The following TRAPPC10 variants were observed in gnomAD, a reference collection of about 807,000 sequenced individuals.
TRAPPC10 encodes the protein trafficking protein particle complex subunit 10, also known as TRAPP 130 kDa subunit.
TRAPPC10 carries 23 observed loss-of-function variants against 125.5 expected under a neutral mutation model. The observed-to-expected ratio is 0.18, with a 90% CI of 0.13 to 0.26. The LOEUF (loss-of-function observed/expected upper bound fraction) is 0.26. Ranked by LOEUF, TRAPPC10 falls within the 10% of genes least tolerant of loss-of-function variation. TRAPPC10 has a pLI of 1.00. For missense variants in TRAPPC10, 1,123 were observed against 1,308.4 expected, an observed-to-expected ratio of 0.86 and a Z score of 2.19; for synonymous variants, 509 against 518.0, an observed-to-expected ratio of 0.98 and a Z score of 0.24.
intron 3 of TRAPPC10, among the ~76,000 whole-genome samples, chr21:44,050,453 G>C (rs1311763900): frequency 6.6e-6 from 1 of 152,208 alleles, no homozygotes; most frequent in Non-Finnish European, 1.5e-5. Context: ...GTAAGAGGTG[G>C]AGAGGCTTCC....
Position 44,095,603 on chromosome 21 carries a change from G to T in TRAPPC10, c.3168+1370G>T, listed in dbSNP as rs542293881. Among the ~76,000 whole-genome samples the T allele has an allele frequency of 5.9e-4, 90 of 151,714 alleles. 1 individual carries two copies. Among genetic ancestry groups the T allele is most frequent in the African/African-American group, 2.1e-3 (85 of 41,336 alleles). On this transcript the variant is annotated intron_variant, in intron 20 of 22. Transcript: ENST00000291574. ...TTTTGAGACAGAGACTCGCTGTGTC[G>T]CCCAGGCTGGAGTGCAGTGGCGCGA...
intron 3 of TRAPPC10, among the ~76,000 whole-genome samples, chr21:44,047,557 TGTGTGTGTGC>T (rs1483021351): frequency 6.6e-6 from 1 of 150,968 alleles, no homozygotes; most frequent in African/African-American, 2.5e-5. Flanking sequence ...TGTGTGTGTG[TGTGTGTGTGC>T]GCGCACACGC....
intron 3 of TRAPPC10, among the ~76,000 whole-genome samples, chr21:44,040,723 C>T (rs905077286): frequency 7.3e-5 from 11 of 151,382 alleles, no homozygotes; most frequent in African/African-American, 1.9e-4. Flanking sequence ...TCTAGGCTGA[C>T]GCCATCCTCC....
intron 3 of TRAPPC10, chr21:44,046,887 C>T: frequency 2.5e-6 from 2 of 809,642 alleles, no homozygotes; most frequent in Non-Finnish European, 2.2e-6. Context: ...GTGTTGTACA[C>T]AGCGGCAGTC....
intron 19 of TRAPPC10, 78 bp from the exon 20 acceptor site, chr21:44,093,985 G>C: frequency 1.4e-6 from 2 of 1,453,798 alleles, no homozygotes; most frequent in Admixed American, 3.9e-5. Context: ...TTCGCATGGC[G>C]TGTGTTTCGC....
At chr21:44,027,184 G>T (rs2033149136) in intron 1 of TRAPPC10, among the ~76,000 whole-genome samples, 1 of 151,284 alleles carries the variant, frequency 6.6e-6, no homozygotes, top group South Asian at 2.1e-4. Flanking sequence ...TTATGTCAAG[G>T]TTTTTTTTTC....
In TRAPPC10 at chr21:44,012,554, G is replaced by A. The variant is rs1237666117; in HGVS notation, c.61G>A (p.Val21Ile). ...CTACACCATGGAGAACAAGCCCATC[G>A]TCACCTGTGAGTGCCCGGAGGCGGG... is the stretch of plus-strand genomic sequence containing the variant. Reference protein sequence around the residue: ...VIYTMENKPIVTCAGDQNLFT... With the variant: ...VIYTMENKPIITCAGDQNLFT... The change falls in exon 1 of 23, where the codon GTC (valine) becomes ATC (isoleucine). Residue 21 changes from valine to isoleucine, a missense_variant. This residue lies in a region of TRAPPC10 where 177 missense variants were observed against 228.9 expected (regional missense o/e 0.77). Coordinates refer to ENST00000291574, the MANE Select transcript of TRAPPC10 (RefSeq NM_003274.5). The A allele has an allele frequency of 1.3e-6, 2 of 1,535,556 alleles. No individual in the cohort carries two copies. The highest frequency in any genetic ancestry group is 4.0e-5 in the Admixed American group (2 of 50,300).
In TRAPPC10 at chr21:44,083,255, C is replaced by T; in HGVS notation, c.2191C>T (p.His731Tyr). The change falls in exon 14 of 23, where the codon CAC (histidine) becomes TAC (tyrosine). Residue 731 changes from histidine to tyrosine, a missense_variant. By Grantham distance (83) the His-to-Tyr change is moderately conservative. This residue lies in a region of TRAPPC10 where 840 missense variants were observed against 902.0 expected (regional missense o/e 0.93). Coordinates refer to ENST00000291574, the MANE Select transcript of TRAPPC10 (RefSeq NM_003274.5). ...EEGAHVLRCS[H>Y]VTLEPGANQI... ...GGGTGCCCACGTGCTGAGGTGCAGC[C>T]ACGTGACCCTGGAACCAGGGGCCAA... The T allele has an allele frequency of 6.2e-7, 1 of 1,614,070 alleles. No individual in the cohort carries two copies. The highest frequency in any genetic ancestry group is 8.5e-7 in the Non-Finnish European group (1 of 1,180,004).
chr21:44,074,284 C>T (rs1247991400), intron 7 of TRAPPC10, 40 bp from the exon 8 acceptor site: 1 of 1,611,898 alleles, frequency 6.2e-7, no homozygotes, highest in Admixed American at 1.7e-5. Context: ...TAGAGCTGTC[C>T]CGGAGCACCC....
Position 44,059,346 on chromosome 21 carries a change from C to T in TRAPPC10, c.790+132C>T, listed in dbSNP as rs1026595733. On this transcript the variant is annotated intron_variant, in intron 6 of 22. Coordinates refer to ENST00000291574, the MANE Select transcript of TRAPPC10 (RefSeq NM_003274.5). The surrounding 1 kb of genome is among the most constrained non-coding windows in gnomAD (Gnocchi z 4.4). ...GTTGTTGTCTTTATACACATTATAT[C>T]GGATATATTCTCGTGATTCCTAGAG... is the stretch of plus-strand genomic sequence containing the variant. The T allele has an allele frequency of 4.5e-5, 31 of 691,160 alleles. No homozygotes were observed. Among genetic ancestry groups the T allele is most frequent in the Middle Eastern group, 3.5e-4 (1 of 2,830 alleles). The allele number at this position is 691,160 out of a possible 1,614,324, so 42.8% of individuals were successfully genotyped here. A position where few individuals can be genotyped will look rare whatever the true frequency, so the allele number is the denominator to read the frequency against.
Position 44,087,986 on chromosome 21 carries a change from C to T in TRAPPC10, c.2769+58C>T. On this transcript the variant is annotated intron_variant, in intron 17 of 22. Coordinates refer to ENST00000291574, the MANE Select transcript of TRAPPC10 (RefSeq NM_003274.5). This position sits in a 1 kb window ranked among gnomAD's most constrained non-coding sequence, Gnocchi z 4.6. ...GGGGCGTCCGCCGCCCGCCTGCCTGCTGGGAAAGGCGATGTAGCGATGCCT... is the reference window on the plus strand; with the variant it reads ...GGGGCGTCCGCCGCCCGCCTGCCTGTTGGGAAAGGCGATGTAGCGATGCCT... The T allele has an allele frequency of 3.4e-6, 5 of 1,459,190 alleles. No homozygotes were observed. Among genetic ancestry groups the T allele is most frequent in the Non-Finnish European group, 4.7e-6 (5 of 1,062,222 alleles). 90.4% of individuals were successfully genotyped at this position (1,459,190 alleles called of 1,614,324 possible).
At chr21:44,039,604 C>T (rs758715462) in intron 3 of TRAPPC10, among the ~76,000 whole-genome samples, 7 of 152,182 alleles carry the variant, frequency 4.6e-5, no homozygotes, top group African/African-American at 9.6e-5. Context: ...TGGTGGCTCA[C>T]GCTTGTAATC....
chr21:44,039,387 C>T (rs1014450190), intron 3 of TRAPPC10, among the ~76,000 whole-genome samples: 2 of 152,220 alleles, frequency 1.3e-5, no homozygotes, highest in African/African-American at 4.8e-5. Flanking sequence ...TTCTTTTGAG[C>T]ACTTTCTAAT....
At position 44,052,421 on chromosome 21, in the gene TRAPPC10, C is replaced by A. The variant is rs1490043859; in HGVS notation, c.427C>A (p.Arg143=). Reference sequence around the variant, plus strand: ...AAAAAACAAAACCAACATCCTTCCCCGAACCTCTATTGTGGACAAAATAAG... The same window carrying A: ...AAAAAACAAAACCAACATCCTTCCCAGAACCTCTATTGTGGACAAAATAAG... ...KKKNKTNILP[R]TSIVDKIRND... The change falls in exon 4 of 23, where the codon CGA becomes AGA. Residue 143 remains arginine, a synonymous_variant. Transcript: ENST00000291574. 6.2e-7 allele frequency: 1 copy of A among 1,613,386 alleles called. No individual in the cohort carries two copies.
intron 10 of TRAPPC10, 37 bp downstream of exon 10, chr21:44,076,665 A>C: frequency 6.5e-7 from 1 of 1,534,666 alleles, no homozygotes; most frequent in Non-Finnish European, 9.0e-7. Context: ...TGTTCTGTGA[A>C]TACCTGTCTC....
chr21:44,044,440 C>T (rs1038204015), intron 3 of TRAPPC10, among the ~76,000 whole-genome samples: 4 of 151,482 alleles, frequency 2.6e-5, no homozygotes, highest in Non-Finnish European at 5.9e-5. Context: ...TTATAGAGTA[C>T]ATCTGTAACA....
rs573375627 is a variant in TRAPPC10 at position 44,094,351 on chromosome 21, G to A, written c.3168+118G>A. The A allele has an allele frequency of 1.9e-5, 19 of 991,724 alleles. No individual in the cohort carries two copies. The East Asian group carries it at 4.6e-4, about 24-fold the overall frequency. The allele number at this position is 991,724 out of a possible 1,614,324, so 61.4% of individuals were successfully genotyped here. On this transcript the variant is annotated intron_variant, in intron 20 of 22. Transcript: ENST00000291574. ...TGTCAACATAATGAAGGAGCAGCTG[G>A]AGAAAAACAGTTGTTGGGGTAGTTG...
At chr21:44,012,804 G>T (rs192728426) in intron 1 of TRAPPC10, among the ~76,000 whole-genome samples, 1 of 152,088 alleles carries the variant, frequency 6.6e-6, no homozygotes, top group Admixed American at 6.5e-5. Context: ...AGTTGGAGCC[G>T]GTGGAACCCG....
chr21:44,018,912 G>A (rs2032183161), intron 1 of TRAPPC10, among the ~76,000 whole-genome samples: 1 of 152,056 alleles, frequency 6.6e-6, no homozygotes, highest in African/African-American at 2.4e-5. Context: ...TGTCTTCCCT[G>A]GAGTCGCATG....
Sources: allele counts gnomAD v4.1 joint callset (sites outside exome capture counted in the v4.1 genomes callset), GRCh38; gene constraint gnomAD v4.1.1; regional missense constraint gnomAD v4.1.1; non-coding constraint Gnocchi (gnomAD v3.1); transcripts MANE v1.5; gene names NCBI Gene and HGNC (gene_info 2026-07-23, HGNC 2026-07-21).